PUM2: variants seen among roughly 807,000 people sequenced by gnomAD.
PUM2 encodes the protein pumilio RNA binding family member 2, also known as pumilio homolog 2.
Under a neutral mutation model 124.5 loss-of-function variants are expected in PUM2, and 57 were observed. The ratio of observed to expected loss-of-function variants is 0.46; its 90% CI spans 0.37 to 0.57. The LOEUF is 0.57. PUM2 is among the 20% of genes least tolerant of loss of function. The probability of loss-of-function intolerance (pLI) is 0.00; values close to 1 mark genes in which losing one functional copy is unlikely to be tolerated. For synonymous variants in PUM2, 460 were observed against 446.1 expected (o/e 1.03, Z -0.39); for missense variants, 1,065 against 1,290.6 (o/e 0.83, Z 2.68).
chr2:20,260,997 G>C (rs1327175771), intron 14 of PUM2, among the ~76,000 whole-genome samples: 3 of 152,116 alleles, frequency 2.0e-5, no homozygotes, highest in African/African-American at 7.2e-5. Context: ...GATTATAATG[G>C]AGATAAATTC....
At chr2:20,310,601 G>C (rs566581335) in intron 5 of PUM2, among the ~76,000 whole-genome samples, 2 of 152,078 alleles carry the variant, frequency 1.3e-5, no homozygotes, top group East Asian at 3.9e-4. Context: ...ACTGGTTTTG[G>C]ATGCTTTTTT....
intron 1 of PUM2, among the ~76,000 whole-genome samples, chr2:20,342,427 T>G (rs2149088326): frequency 6.6e-6 from 1 of 150,570 alleles, no homozygotes; most frequent in East Asian, 1.9e-4. Flanking sequence ...TGTTACTGGC[T>G]CCAAGAAATT....
chr2:20,253,958 A>G lies in PUM2; in HGVS notation c.2927T>C (p.Ile976Thr). ...ATCATTCTGGCAGCAAACCTCGTCA[A>G]TCAGTAAAGCTCTCTCAGCACGGGA... ...HASRAERALL[I>T]DEVCCQNDGP... The change falls in exon 20 of 21, where the codon ATT becomes ACT. Residue 976 changes from isoleucine (I) to threonine (T), a missense_variant. By Grantham distance (89) the Ile-to-Thr change is moderately conservative. Coordinates refer to ENST00000361078, the MANE Select transcript of PUM2 (RefSeq NM_015317.5). 1.2e-6 allele frequency: 2 copies of G among 1,614,130 alleles called. No individual in the cohort carries two copies. The highest frequency in any genetic ancestry group is 1.7e-6 in the Non-Finnish European group (2 of 1,179,988).
chr2:20,326,368 T>G, intron 2 of PUM2: 3 of 1,304,258 alleles, frequency 2.3e-6, no homozygotes, highest in Non-Finnish European at 3.0e-6. Flanking sequence ...AAGGAGAGAC[T>G]TGGACTCTTT....
At chr2:20,266,297 G>T (rs1392066771) in intron 13 of PUM2, among the ~76,000 whole-genome samples, 1 of 152,006 alleles carries the variant, frequency 6.6e-6, no homozygotes, top group Admixed American at 6.6e-5. Context: ...ACAAAAATTA[G>T]CCAGGAGTGG....
rs1662934014 is a variant in PUM2 at position 20,250,069 on chromosome 2, A to C, written c.*1516T>G. On this transcript the variant is annotated 3_prime_UTR_variant, in exon 21 of 21. Transcript: ENST00000361078. Reference sequence around the variant, plus strand: ...TACAGTACTCTTCTGTACAAAGAAAAAAGTCACATCACATTTAATAAGATG... The same window carrying C: ...TACAGTACTCTTCTGTACAAAGAAACAAGTCACATCACATTTAATAAGATG... 6.6e-6 allele frequency: 1 copy of C among 152,626 alleles called. No homozygotes were observed. Among genetic ancestry groups the C allele is most frequent in the African/African-American group, 2.4e-5 (1 of 41,440 alleles). 9.5% of individuals were successfully genotyped at this position (152,626 alleles called of 1,614,324 possible). A position where few individuals can be genotyped will look rare whatever the true frequency, so the allele number is the denominator to read the frequency against.
rs1053078454 is a variant in PUM2, at chr2:20,250,440, G to A, written c.*1145C>T. The A allele has an allele frequency of 3.3e-5, 5 of 152,542 alleles. No individual in the cohort carries two copies. Among genetic ancestry groups the A allele is most frequent in the African/African-American group, 1.2e-4 (5 of 41,440 alleles). The allele number at this position is 152,542 out of a possible 1,614,324, so 9.4% of individuals were successfully genotyped here. A position where few individuals can be genotyped will look rare whatever the true frequency, so the allele number is the denominator to read the frequency against. ...ATAAAACAAATTCCATTTACAGCAT[G>A]AAGGTTTACAAATGTACACCTGTAC... On this transcript the variant is annotated 3_prime_UTR_variant, in exon 21 of 21. Coordinates refer to ENST00000361078, the MANE Select transcript of PUM2 (RefSeq NM_015317.5).
At chr2:20,325,517 T>G (rs1300296621) in intron 2 of PUM2, among the ~76,000 whole-genome samples, 1 of 152,138 alleles carries the variant, frequency 6.6e-6, no homozygotes. Flanking sequence ...TATTAAATAT[T>G]ATTTAGAAAG....
At chr2:20,272,419 C>T (rs148309007) in intron 13 of PUM2, among the ~76,000 whole-genome samples, 194 of 152,260 alleles carry the variant, frequency 1.3e-3, no homozygotes, top group African/African-American at 4.4e-3. Context: ...TACTCCTGCC[C>T]AAGTCACTGA....
intron 1 of PUM2, among the ~76,000 whole-genome samples, chr2:20,348,507 G>C (rs1688683186): frequency 6.6e-6 from 1 of 152,214 alleles, no homozygotes; most frequent in Non-Finnish European, 1.5e-5. Flanking sequence ...CTATAAAAAG[G>C]AGACAGCTTG....
At chr2:20,290,872 A>T in intron 9 of PUM2, 82 bp from the exon 10 acceptor site, 1 of 1,123,542 alleles carries the variant, frequency 8.9e-7, no homozygotes. Flanking sequence ...TGTATTTATT[A>T]CAAACAGCCT....
intron 3 of PUM2, among the ~76,000 whole-genome samples, chr2:20,314,292 C>T (rs1680359126): frequency 6.6e-6 from 1 of 152,014 alleles, no homozygotes; most frequent in Non-Finnish European, 1.5e-5. Flanking sequence ...CCAGAAAAAT[C>T]AGTAATACCA....
chr2:20,290,152 C>A (rs1673668874), intron 10 of PUM2, among the ~76,000 whole-genome samples: 1 of 152,130 alleles, frequency 6.6e-6, no homozygotes, highest in Admixed American at 6.5e-5. Flanking sequence ...ACTAGGCTTT[C>A]AAAGACACAT....
chr2:20,325,263 A>G (rs917112716), intron 2 of PUM2, among the ~76,000 whole-genome samples: 1 of 152,220 alleles, frequency 6.6e-6, no homozygotes, highest in Non-Finnish European at 1.5e-5. Flanking sequence ...AGAGCATCTT[A>G]AAATATATTT....
chr2:20,299,870 T>C (rs1482509197), intron 7 of PUM2, among the ~76,000 whole-genome samples: 3 of 152,208 alleles, frequency 2.0e-5, no homozygotes, highest in Non-Finnish European at 4.4e-5. Context: ...GAGCCAAATA[T>C]AAGGGCCATA....
intron 16 of PUM2, 64 bp from the exon 17 acceptor site, chr2:20,256,234 C>T (rs1664730786): frequency 7.0e-7 from 1 of 1,433,870 alleles, no homozygotes; most frequent in Non-Finnish European, 9.3e-7. Flanking sequence ...TATATTTTAT[C>T]TCAGTATTAA....
intron 3 of PUM2, among the ~76,000 whole-genome samples, chr2:20,316,712 C>G (rs538435630): frequency 3.9e-5 from 6 of 151,946 alleles, no homozygotes; most frequent in Non-Finnish European, 8.8e-5. Context: ...TAGTGAGACC[C>G]CCATCTCTAA....
chr2:20,276,546 A>G (rs765384097), intron 13 of PUM2, among the ~76,000 whole-genome samples: 4 of 152,086 alleles, frequency 2.6e-5, no homozygotes, highest in Non-Finnish European at 5.9e-5. Context: ...AAATATGCAA[A>G]TTCCATTTCC....
At chr2:20,327,224 G>C (rs1368529653) in intron 2 of PUM2, 86 bp downstream of exon 2, 1 of 877,814 alleles carries the variant, frequency 1.1e-6, no homozygotes, top group African/African-American at 1.7e-5. Flanking sequence ...CTATTTCCAG[G>C]AAGGGAGATG....
Sources: gnomAD v4.1 joint callset for allele counts (sites outside exome capture counted in the v4.1 genomes callset) on GRCh38, gnomAD v4.1.1 for gene constraint, MANE v1.5 for transcripts, NCBI Gene and HGNC (gene_info 2026-07-23, HGNC 2026-07-21) for gene names.